The following MIS18A variants were observed in gnomAD, a reference collection of about 807,000 sequenced individuals.
MIS18A encodes the protein MIS18 kinetochore protein A, also known as protein Mis18-alpha.
In MIS18A, 14 loss-of-function variants were observed where a neutral mutation model predicts 25.0. That is an observed-to-expected ratio of 0.56 (90% confidence interval 0.37 to 0.88). The LOEUF is 0.88. Ranked by LOEUF, MIS18A falls within the 40% of genes least tolerant of loss-of-function variation. The pLI is 0.00. For synonymous variants in MIS18A, 134 were observed against 118.6 expected (o/e 1.13, Z -0.84); for missense variants, 292 against 290.8 (o/e 1.00, Z -0.03).
At chr21:32,188,795 G>A in the MIS18A span, among the ~76,000 whole-genome samples, 1 of 152,028 alleles carries the variant, frequency 6.6e-6, no homozygotes, top group Non-Finnish European at 1.5e-5. Flanking sequence ...TCAGAGATGG[G>A]GTGTCCACTG....
At chr21:32,174,240 A>T in the MIS18A span, among the ~76,000 whole-genome samples, 14 of 151,838 alleles carry the variant, frequency 9.2e-5, no homozygotes, top group Non-Finnish European at 2.1e-4. Flanking sequence ...TGGGAGCAAC[A>T]GCACCCAGCC....
Position 32,278,061 on chromosome 21 carries a change from T to C in MIS18A, c.334+620A>G, listed in dbSNP as rs184670611. On this transcript the variant is annotated intron_variant, in intron 1 of 4. Transcript: ENST00000290130. Reference sequence around the variant, plus strand: ...CCTAAATACTGCAAAAACATCAAAATGAGGGAACAGTGGAACAACAGAGGT... The same window carrying C: ...CCTAAATACTGCAAAAACATCAAAACGAGGGAACAGTGGAACAACAGAGGT... 5.9e-5 allele frequency: 9 copies of C among 152,316 alleles called. 1 individual carries two copies. The highest frequency in any genetic ancestry group is 2.2e-4 in the African/African-American group (9 of 41,554). 9.4% of individuals were successfully genotyped at this position (152,316 alleles called of 1,614,324 possible).
rs117443668 is a variant in MIS18A at position 32,277,109 on chromosome 21, G to C, written c.334+1572C>G. ...GTAAGGAAGGAATGGAAATGAATCC[G>C]AGTTCATTTATTTGTCTTTACTGGG... On this transcript the variant is annotated intron_variant, in intron 1 of 4. Coordinates refer to ENST00000290130, the MANE Select transcript of MIS18A (RefSeq NM_018944.3). Among the ~76,000 whole-genome samples, 997 of 152,208 alleles carry C rather than the reference G, an allele frequency of 6.6e-3. 9 individuals are homozygous for C. The highest frequency in any genetic ancestry group is 0.031 in the Middle Eastern group (9 of 294).
At chr21:32,234,258 G>C in the MIS18A span, among the ~76,000 whole-genome samples, 1 of 152,150 alleles carries the variant, frequency 6.6e-6, no homozygotes, top group Non-Finnish European at 1.5e-5. Flanking sequence ...GAGGTGGTTG[G>C]AGCGGAGGGT....
the MIS18A span, among the ~76,000 whole-genome samples, chr21:32,169,416 C>G: frequency 6.6e-6 from 1 of 152,152 alleles, no homozygotes; most frequent in Non-Finnish European, 1.5e-5. Flanking sequence ...AACATCACAG[C>G]TGCCTCAAGT....
the MIS18A span, among the ~76,000 whole-genome samples, chr21:32,227,457 C>A: frequency 1.3e-5 from 2 of 151,424 alleles, no homozygotes; most frequent in Non-Finnish European, 1.5e-5. Context: ...ATCAGATAAC[C>A]TAGATGAAAC....
At chr21:32,190,775 A>G in the MIS18A span, among the ~76,000 whole-genome samples, 2 of 152,180 alleles carry the variant, frequency 1.3e-5, no homozygotes, top group Non-Finnish European at 2.9e-5. Flanking sequence ...AGAAGCTATG[A>G]GAATAGTTTT....
chr21:32,182,586 G>A, the MIS18A span, among the ~76,000 whole-genome samples: 1 of 152,162 alleles, frequency 6.6e-6, no homozygotes, highest in Non-Finnish European at 1.5e-5. Flanking sequence ...GGGTGGGCTC[G>A]TCATAAGTGG....
At position 32,269,850 on chromosome 21, in the gene MIS18A, G is replaced by A. The variant is rs779548057; in HGVS notation, c.525-47C>T. On this transcript the variant is annotated intron_variant, in intron 3 of 4. Coordinates refer to ENST00000290130, the MANE Select transcript of MIS18A (RefSeq NM_018944.3). ...AAATACAAGCTGGGTGTGGTGGCAT[G>A]CACTTGTTCCCAGCTATTCAGGAGG... 3 of 1,163,508 alleles carry A rather than the reference G, an allele frequency of 2.6e-6. No individual in the cohort carries two copies. In the South Asian group the frequency reaches 3.7e-5, roughly 14 times the overall value. The allele number at this position is 1,163,508 out of a possible 1,614,324, so 72.1% of individuals were successfully genotyped here.
the MIS18A span, among the ~76,000 whole-genome samples, chr21:32,171,307 T>C: frequency 6.6e-6 from 1 of 152,118 alleles, no homozygotes; most frequent in Admixed American, 6.5e-5. Flanking sequence ...CAAGATAGTC[T>C]ACAAGATCAA....
chr21:32,269,227 C>A, intron 4 of MIS18A, 110 bp from the exon 5 acceptor site: 1 of 785,248 alleles, frequency 1.3e-6, no homozygotes, highest in East Asian at 2.8e-5. Flanking sequence ...ATATGTCATA[C>A]ATTACAAGGT....
the MIS18A span, among the ~76,000 whole-genome samples, chr21:32,155,156 C>G: frequency 1.3e-5 from 2 of 151,850 alleles, no homozygotes; most frequent in East Asian, 3.9e-4. Flanking sequence ...TTTAATTTTA[C>G]AGCAAAATTT....
chr21:32,237,151 C>T, the MIS18A span, among the ~76,000 whole-genome samples: 4 of 150,364 alleles, frequency 2.7e-5, no homozygotes, highest in Admixed American at 2.7e-4. Context: ...AAAGGCCAGG[C>T]CATGATTCAT....
At chr21:32,193,887 T>G in the MIS18A span, among the ~76,000 whole-genome samples, 11 of 152,188 alleles carry the variant, frequency 7.2e-5, no homozygotes, top group African/African-American at 2.4e-4. Context: ...GTATTTGCAG[T>G]CTGCTCATTT....
At chr21:32,224,166 A>G in the MIS18A span, among the ~76,000 whole-genome samples, 1 of 151,368 alleles carries the variant, frequency 6.6e-6, no homozygotes, top group African/African-American at 2.4e-5. Flanking sequence ...CCCACAGCCA[A>G]TATCATACTG....
chr21:32,174,880 C>T, the MIS18A span, among the ~76,000 whole-genome samples: 6 of 152,312 alleles, frequency 3.9e-5, no homozygotes, highest in Admixed American at 1.3e-4. Context: ...GGTCATAACA[C>T]AAGTCTCAAA....
At chr21:32,236,318 G>A in the MIS18A span, among the ~76,000 whole-genome samples, 3 of 152,110 alleles carry the variant, frequency 2.0e-5, no homozygotes, top group Non-Finnish European at 2.9e-5. Context: ...GGGAGGTGGA[G>A]CTTGCAGTGA....
chr21:32,171,870 C>T, the MIS18A span, among the ~76,000 whole-genome samples: 1 of 151,968 alleles, frequency 6.6e-6, no homozygotes, highest in East Asian at 1.9e-4. Flanking sequence ...AAGATACCAT[C>T]CCATGTTCAT....
chr21:32,198,067 G>T, the MIS18A span, among the ~76,000 whole-genome samples: 2 of 152,192 alleles, frequency 1.3e-5, no homozygotes, highest in Non-Finnish European at 1.5e-5. Flanking sequence ...TAGAGTTCTG[G>T]CATCTCTCCT....
Sources: gnomAD v4.1 joint callset for allele counts (sites outside exome capture counted in the v4.1 genomes callset) on GRCh38, gnomAD v4.1.1 for gene constraint, MANE v1.5 for transcripts, NCBI Gene and HGNC (gene_info 2026-07-23, HGNC 2026-07-21) for gene names.